PCDHA2: variants seen among roughly 807,000 people sequenced by gnomAD.
PCDHA2 encodes the protein protocadherin alpha-2.
In PCDHA2, 58 loss-of-function variants were observed where a neutral mutation model predicts 66.0. The observed-to-expected ratio is 0.88, with a 90% CI of 0.71 to 1.09. The LOEUF (loss-of-function observed/expected upper bound fraction) is 1.09. PCDHA2 is among the 50% of genes least tolerant of loss of function. PCDHA2 has a pLI of 0.00. For synonymous variants in PCDHA2, 634 were observed against 554.0 expected (o/e 1.14, Z -2.03); for missense variants, 1,267 against 1,242.3 (o/e 1.02, Z -0.30).
chr5:140,866,561 T>C (rs2049423335), intron 1 of PCDHA2: 1 of 152,136 alleles, frequency 6.6e-6, no homozygotes, highest in Non-Finnish European at 1.5e-5. Context: ...TCCTATAATT[T>C]TGTTAATACA....
At chr5:140,983,379 C>T (rs1169260784) in intron 3 of PCDHA2, among the ~76,000 whole-genome samples, 1 of 152,162 alleles carries the variant, frequency 6.6e-6, no homozygotes, top group Non-Finnish European at 1.5e-5. Context: ...AGGCCCATCG[C>T]TGTGGCAGTT....
At chr5:140,874,386 G>A (rs2054873500) in intron 1 of PCDHA2, among the ~76,000 whole-genome samples, 1 of 152,082 alleles carries the variant, frequency 6.6e-6, no homozygotes. Context: ...GTCTTTTGAT[G>A]CCCCCTTGCA....
intron 1 of PCDHA2, chr5:140,842,821 C>A (rs782174276): frequency 1.9e-6 from 3 of 1,593,534 alleles, no homozygotes; most frequent in East Asian, 2.2e-5. Context: ...GGCGGGTGGG[C>A]GAGCGCTCGC....
At chr5:140,923,528 CA>C (rs1240707958) in intron 1 of PCDHA2, among the ~76,000 whole-genome samples, 1 of 151,622 alleles carries the variant, frequency 6.6e-6, no homozygotes, top group Non-Finnish European at 1.5e-5. Context: ...GATTCTGTCC[CA>C]AAAAAAGGAC....
intron 1 of PCDHA2, chr5:140,853,041 C>G (rs1158374492): frequency 1.9e-5 from 5 of 267,262 alleles, no homozygotes; most frequent in Non-Finnish European, 3.0e-5. Context: ...ACCATGCCCG[C>G]CTAATTTTTT....
intron 1 of PCDHA2, chr5:140,807,522 G>A (rs1554124063): frequency 1.9e-6 from 3 of 1,614,126 alleles, no homozygotes; most frequent in Non-Finnish European, 2.5e-6. Flanking sequence ...ATCGTAGACA[G>A]GCCGCTGCAG....
intron 1 of PCDHA2, chr5:140,856,717 A>T: frequency 6.3e-7 from 1 of 1,596,480 alleles, no homozygotes; most frequent in Non-Finnish European, 8.6e-7. Flanking sequence ...AATTTACCGG[A>T]TCTGTTTCTC....
intron 1 of PCDHA2, chr5:140,822,375 T>C: frequency 1.2e-6 from 2 of 1,614,082 alleles, no homozygotes; most frequent in Non-Finnish European, 1.7e-6. Flanking sequence ...AATCCTTAGA[T>C]AGAGAAGAAA....
chr5:140,998,681 C>G (rs978884535), intron 3 of PCDHA2, among the ~76,000 whole-genome samples: 42 of 152,038 alleles, frequency 2.8e-4, no homozygotes, highest in Non-Finnish European at 1.6e-4. Context: ...TCTCCTGCCT[C>G]AGCCTCCCAA....
In PCDHA2 at chr5:141,010,461, G is replaced by A; in HGVS notation, c.*524G>A. The A allele has an allele frequency of 1.2e-6, 1 of 823,014 alleles. No homozygotes were observed. The highest frequency in any genetic ancestry group is 1.8e-6 in the Non-Finnish European group (1 of 553,022). The allele number at this position is 823,014 out of a possible 1,614,324, so 51.0% of individuals were successfully genotyped here. A position where few individuals can be genotyped will look rare whatever the true frequency, so the allele number is the denominator to read the frequency against. On this transcript the variant is annotated 3_prime_UTR_variant, in exon 4 of 4. Transcript: ENST00000526136. ...GACAAATAAACAGCGGAAGTTATCA[G>A]TATGGAGGGGAAGTGTAAACTTAAA...
At chr5:140,925,941 G>A (rs1311329302) in intron 1 of PCDHA2, among the ~76,000 whole-genome samples, 2 of 138,504 alleles carry the variant, frequency 1.4e-5, no homozygotes, top group South Asian at 2.1e-4. Flanking sequence ...GAGCCTCTTG[G>A]AGAAGGAGAA....
At chr5:141,001,971 G>C (rs1240624295) in intron 3 of PCDHA2, among the ~76,000 whole-genome samples, 2 of 152,186 alleles carry the variant, frequency 1.3e-5, no homozygotes, top group Admixed American at 1.3e-4. Flanking sequence ...GGGTGTCTCT[G>C]CGCGGAAAGC....
At chr5:140,824,646 A>G (rs1554130025) in intron 1 of PCDHA2, 2 of 90,532 alleles carry the variant, frequency 2.2e-5, no homozygotes, top group Non-Finnish European at 3.9e-5. Context: ...TTCTGTAGAG[A>G]TAGGGGTCTT....
At chr5:140,822,772 T>C in intron 1 of PCDHA2, 2 of 1,614,060 alleles carry the variant, frequency 1.2e-6, no homozygotes, top group Non-Finnish European at 1.7e-6. Flanking sequence ...ATCAGGACAC[T>C]GTAAAGTAGT....
intron 1 of PCDHA2, among the ~76,000 whole-genome samples, chr5:140,872,204 C>T (rs1475899671): frequency 6.6e-6 from 1 of 151,738 alleles, no homozygotes. Flanking sequence ...ATCATAAATT[C>T]ATTATATATG....
intron 1 of PCDHA2, among the ~76,000 whole-genome samples, chr5:140,873,677 T>A (rs1358245351): frequency 6.6e-6 from 1 of 152,212 alleles, no homozygotes; most frequent in African/African-American, 2.4e-5. Flanking sequence ...TTGTTTCTTT[T>A]TGAGATAGAG....
At position 140,858,269 on chromosome 5, in the gene PCDHA2, A is replaced by T. The variant is rs367651349; in HGVS notation, c.2388+60917A>T. 8.2e-4 allele frequency: 1,313 copies of T among 1,596,554 alleles called. 103 individuals carry two copies. Among genetic ancestry groups the T allele is most frequent in the Non-Finnish European group, 9.6e-4 (1,118 of 1,166,912 alleles). On this transcript the variant is annotated intron_variant, in intron 1 of 3. Transcript: ENST00000526136. Reference sequence around the variant, plus strand: ...GGTGAAGCCCACGCTGGTGTGCTCTAGCGCGGTGGGGAGCTGGTCTTACTC... The same window carrying T: ...GGTGAAGCCCACGCTGGTGTGCTCTTGCGCGGTGGGGAGCTGGTCTTACTC...
chr5:140,967,052 A>C (rs1554229118), intron 1 of PCDHA2: 1 of 1,612,532 alleles, frequency 6.2e-7, no homozygotes, highest in Non-Finnish European at 8.5e-7. Context: ...GGACCTGACG[A>C]GTGGAGCGCT....
At chr5:140,868,461 GC>G (rs1399202356) in intron 1 of PCDHA2, 1 of 152,356 alleles carries the variant, frequency 6.6e-6, no homozygotes, top group African/African-American at 2.4e-5. Flanking sequence ...CTAAAGAGCT[GC>G]TTTTATAAAA....
Sources: allele counts gnomAD v4.1 joint callset (sites outside exome capture counted in the v4.1 genomes callset), GRCh38; gene constraint gnomAD v4.1.1; transcripts MANE v1.5; gene names NCBI Gene and HGNC (gene_info 2026-07-23, HGNC 2026-07-21).